Variants in BLTP1 observed in about 807,000 individuals in gnomAD.
BLTP1 encodes fragile site-associated protein.
the BLTP1 span, chr4:122,309,257 AT>A: frequency 1.9e-6 from 3 of 1,605,704 alleles, no homozygotes; most frequent in Admixed American, 3.4e-5. Context: ...TCTTTAATAT[AT>A]TTTGCAGTCT....
At chr4:122,184,648 A>G in the BLTP1 span, 2 of 981,196 alleles carry the variant, frequency 2.0e-6, no homozygotes, top group Non-Finnish European at 2.4e-6. Context: ...TCAAAAAAAA[A>G]CCAAAAAACA....
At chr4:122,338,337 A>T in the BLTP1 span, among the ~76,000 whole-genome samples, 3 of 151,814 alleles carry the variant, frequency 2.0e-5, no homozygotes, top group East Asian at 3.9e-4. Flanking sequence ...GCGAGGCGTG[A>T]TTGTATGTAT....
At chr4:122,276,085 T>C in the BLTP1 span, 1 of 1,364,658 alleles carries the variant, frequency 7.3e-7, no homozygotes, top group East Asian at 2.6e-5. Flanking sequence ...GTTTTTAAAA[T>C]ATTTAAATTT....
chr4:122,280,320 GA>G, the BLTP1 span, among the ~76,000 whole-genome samples: 2 of 152,170 alleles, frequency 1.3e-5, no homozygotes, highest in Non-Finnish European at 2.9e-5. Flanking sequence ...GAATTCATTG[GA>G]AACTTATGAC....
the BLTP1 span, chr4:122,347,928 G>A: frequency 4.9e-6 from 3 of 606,672 alleles, no homozygotes; most frequent in South Asian, 2.5e-5. Flanking sequence ...CCCCAACACA[G>A]TAAAAACAAC....
At chr4:122,254,364 TATA>T in the BLTP1 span, 5 of 1,529,100 alleles carry the variant, frequency 3.3e-6, no homozygotes, top group Non-Finnish European at 4.5e-6. Flanking sequence ...GTTTTTAAAA[TATA>T]GTAGTATCGC....
chr4:122,341,927 C>T, the BLTP1 span: 13 of 569,644 alleles, frequency 2.3e-5, no homozygotes, highest in East Asian at 1.5e-4. Context: ...ACAAAATGCA[C>T]GAAGAAGAAA....
the BLTP1 span, chr4:122,198,046 T>G: frequency 2.0e-6 from 2 of 985,188 alleles, no homozygotes; most frequent in Non-Finnish European, 2.4e-6. Context: ...TTTGTGTAAT[T>G]CTTAGCTCTT....
At chr4:122,298,864 C>A in the BLTP1 span, 1 of 985,108 alleles carries the variant, frequency 1.0e-6, no homozygotes, top group East Asian at 1.1e-4. Context: ...CTGAAAGACA[C>A]ATTTATTTGC....
At chr4:122,256,283 A>G in the BLTP1 span, among the ~76,000 whole-genome samples, 5 of 152,100 alleles carry the variant, frequency 3.3e-5, no homozygotes, top group African/African-American at 1.2e-4. Context: ...AGTACTTTTT[A>G]CTCCCTCCCT....
chr4:122,254,607 CTTTT>C, the BLTP1 span: 1 of 725,992 alleles, frequency 1.4e-6, no homozygotes, highest in Non-Finnish European at 1.7e-6. Flanking sequence ...CTCTGACAGG[CTTTT>C]TTTTTTCTTT....
the BLTP1 span, among the ~76,000 whole-genome samples, chr4:122,351,690 TTA>T: frequency 6.6e-6 from 1 of 152,202 alleles, no homozygotes; most frequent in Non-Finnish European, 1.5e-5. Flanking sequence ...GTGGTGTCAT[TTA>T]TGTTTTTCCT....
chr4:122,347,358 G>C, the BLTP1 span: 4 of 824,006 alleles, frequency 4.9e-6, no homozygotes, highest in African/African-American at 7.4e-5. Context: ...CAAAACACTG[G>C]CATGTTCTTT....
the BLTP1 span, chr4:122,301,160 T>A: frequency 1.8e-6 from 2 of 1,133,346 alleles, no homozygotes; most frequent in African/African-American, 3.2e-5. Context: ...TCTGTCTCAG[T>A]TAAATGTAAC....
the BLTP1 span, chr4:122,344,434 T>C: frequency 6.2e-7 from 1 of 1,613,760 alleles, no homozygotes; most frequent in Non-Finnish European, 8.5e-7. Context: ...ATTCACTCAG[T>C]ATAAACCTTG....
chr4:122,311,614 A>T, the BLTP1 span, among the ~76,000 whole-genome samples: 1 of 152,194 alleles, frequency 6.6e-6, no homozygotes, highest in South Asian at 2.1e-4. Context: ...GTGACCCAGT[A>T]AAATTTCTTC....
chr4:122,280,996 C>T, the BLTP1 span, among the ~76,000 whole-genome samples: 1 of 152,182 alleles, frequency 6.6e-6, no homozygotes, highest in South Asian at 2.1e-4. Context: ...TGGAGTCAGA[C>T]TGATTGGGTT....
chr4:122,153,158 CGTT>C, the BLTP1 span: 2 of 146,536 alleles, frequency 1.4e-5, no homozygotes, highest in South Asian at 2.7e-4. Context: ...TAGTTGTTGT[CGTT>C]TTTTTTTTTT....
the BLTP1 span, chr4:122,268,921 GAGCTAGC>G: frequency 6.5e-6 from 1 of 154,412 alleles, no homozygotes; most frequent in East Asian, 1.9e-4. Context: ...GTGGGCTGAA[GAGCTAGC>G]AGTAAGTTTG....
Sources: gnomAD v4.1 joint callset for allele counts (sites outside exome capture counted in the v4.1 genomes callset) on GRCh38, gnomAD v4.1.1 for gene constraint, MANE v1.5 for transcripts, NCBI Gene and HGNC (gene_info 2026-07-23, HGNC 2026-07-21) for gene names.